Variants in OR8B2 observed in about 807,000 individuals in gnomAD.
The protein encoded by OR8B2 is olfactory receptor family 8 subfamily B member 2, also known as olfactory receptor 8B2.
For missense variants in OR8B2, 304 were observed against 379.6 expected (o/e 0.80, Z 1.65); for synonymous variants, 98 against 138.2 (o/e 0.71, Z 2.04).
rs1335060763 is a variant in OR8B2 at position 124,382,685 on chromosome 11, A to G, written c.659T>C (p.Phe220Ser). ...GATATGAAGAATGCTAGTGACAATG[A>G]AAACATAAGAAATGAGGATGGTACA... ...PSCTILISYVFIVTSILHIKS... is the reference protein window; with the variant it reads ...PSCTILISYVSIVTSILHIKS... Residue 220 changes from phenylalanine to serine, a missense_variant, in exon 2 of 2, where the codon TTC becomes TCC. Coordinates refer to ENST00000641451, the MANE Select transcript of OR8B2 (RefSeq NM_001005468.2). 1.2e-6 allele frequency: 2 copies of G among 1,613,834 alleles called. No individual in the cohort carries two copies.
upstream of OR8B2, among the ~76,000 whole-genome samples, chr11:124,386,990 G>A (rs1396983217): frequency 3.3e-5 from 5 of 152,238 alleles, no homozygotes; most frequent in African/African-American, 4.8e-5. Context: ...GTTTTGATTT[G>A]CATTTCTCTG....
the OR8B2 span, among the ~76,000 whole-genome samples, chr11:124,391,738 G>A: frequency 3.7e-4 from 56 of 152,098 alleles, no homozygotes; most frequent in Middle Eastern, 0.01. Flanking sequence ...TAGAAAAAGA[G>A]GGAATCCTCC....
At position 124,382,935 on chromosome 11, in the gene OR8B2, A is replaced by T; in HGVS notation, c.409T>A (p.Ser137Thr). The T allele has an allele frequency of 1.2e-6, 2 of 1,611,776 alleles. No homozygotes were observed. The highest frequency in any genetic ancestry group is 1.7e-6 in the Non-Finnish European group (2 of 1,178,754). The stretch of plus-strand genomic sequence containing the variant: ...GTGAGCATAGAACAGACCTGATGGG[A>T]CATGGTGACCTTATACAGCAATGGA... ...CNPLLYKVTM[S>T]HQVCSMLTFA... The change falls in exon 2 of 2, where the codon TCC becomes ACC. Residue 137 changes from serine to threonine, a missense_variant. Physicochemically the swap from Ser to Thr is moderately conservative, Grantham distance 58 (BLOSUM62 1). Coordinates refer to ENST00000641451, the MANE Select transcript of OR8B2 (RefSeq NM_001005468.2).
chr11:124,388,198 T>C (rs1860730746), upstream of OR8B2, among the ~76,000 whole-genome samples: 1 of 151,052 alleles, frequency 6.6e-6, no homozygotes. Context: ...AATCATGTCA[T>C]CTGCAAACAG....
In OR8B2 at chr11:124,382,896, T is replaced by C. The variant is rs759233390; in HGVS notation, c.448A>G (p.Ile150Val). The change falls in exon 2 of 2, where the codon ATA (isoleucine) becomes GTA (valine). Residue 150 changes from isoleucine to valine, a missense_variant. Transcript: ENST00000641451. ...VCSMLTFAAY[I>V]MGLAGATAHT... Reference sequence around the variant, plus strand: ...GCCGTGGCTCCAGCCAATCCCATTATGTAAGCAGCAAAAGTGAGCATAGAA... The same window carrying C: ...GCCGTGGCTCCAGCCAATCCCATTACGTAAGCAGCAAAAGTGAGCATAGAA... 6.2e-6 allele frequency: 10 copies of C among 1,606,074 alleles called. No individual in the cohort carries two copies. The highest frequency in any genetic ancestry group is 1.6e-4 in the Middle Eastern group (1 of 6,076).
At chr11:124,386,437 G>T (rs1269352829), upstream of OR8B2, among the ~76,000 whole-genome samples, 3 of 121,238 alleles carry the variant, frequency 2.5e-5, no homozygotes, top group Non-Finnish European at 4.8e-5. Context: ...TCCCCAGAGC[G>T]TGATGTTCCC....
the OR8B2 span, chr11:124,396,654 C>T: frequency 1.9e-6 from 3 of 1,611,770 alleles, no homozygotes; most frequent in Non-Finnish European, 2.5e-6. Context: ...TTTTGATCTT[C>T]CTTGAGTGGA....
At chr11:124,384,903 T>G (rs747499805), upstream of OR8B2, among the ~76,000 whole-genome samples, 14 of 152,356 alleles carry the variant, frequency 9.2e-5, no homozygotes, top group Non-Finnish European at 1.6e-4. Context: ...TTGCTAATTA[T>G]AATTATCGGC....
the OR8B2 span, among the ~76,000 whole-genome samples, chr11:124,389,884 T>C: frequency 2.6e-5 from 4 of 152,064 alleles, no homozygotes; most frequent in Non-Finnish European, 5.9e-5. Context: ...AACAGAGAAT[T>C]AGTTATACAG....
Position 124,382,732 on chromosome 11 carries a change from A to T in OR8B2, c.612T>A (p.Gly204=), listed in dbSNP as rs769900410. ...VNEVVVLIVV[G]TNITVPSCTI... ...TACAACTGGGTACCGTGATATTAGT[A>T]CCCACAACAATGAGAACAACCACCT... The change falls in exon 2 of 2, where the codon GGT becomes GGA. Residue 204 remains glycine (G), a synonymous_variant. Coordinates refer to ENST00000641451, the MANE Select transcript of OR8B2 (RefSeq NM_001005468.2). 6.2e-7 allele frequency: 1 copy of T among 1,613,768 alleles called. No individual in the cohort carries two copies. Among genetic ancestry groups the T allele is most frequent in the African/African-American group, 1.3e-5 (1 of 74,906 alleles).
the OR8B2 span, among the ~76,000 whole-genome samples, chr11:124,389,597 C>T: frequency 6.6e-6 from 1 of 152,056 alleles, no homozygotes; most frequent in Non-Finnish European, 1.5e-5. Context: ...AGGAGCCCCC[C>T]AGAACTCCTA....
chr11:124,386,883 AAGTGTTC>A (rs1349522052), upstream of OR8B2, among the ~76,000 whole-genome samples: 6,681 of 141,260 alleles, frequency 0.047, 480 homozygotes, highest in African/African-American at 0.17. Flanking sequence ...AACAGTGTGA[AAGTGTTC>A]CTATTTCTCC....
At chr11:124,386,950 T>C (rs1239271880), upstream of OR8B2, among the ~76,000 whole-genome samples, 3 of 152,238 alleles carry the variant, frequency 2.0e-5, no homozygotes, top group Non-Finnish European at 2.9e-5. Context: ...GATTGCCGTT[T>C]TAACTGGTGT....
upstream of OR8B2, among the ~76,000 whole-genome samples, chr11:124,388,486 G>C (rs1376920838): frequency 6.6e-6 from 1 of 152,092 alleles, no homozygotes; most frequent in Non-Finnish European, 1.5e-5. Context: ...TTTAACCAGA[G>C]TCCTCCAGTT....
chr11:124,393,130 C>T, the OR8B2 span, among the ~76,000 whole-genome samples: 1 of 147,060 alleles, frequency 6.8e-6, no homozygotes, highest in African/African-American at 2.7e-5. Context: ...GGATTAAAGA[C>T]TTAAACATTA....
At chr11:124,383,731 C>T in intron 1 of OR8B2, among the ~76,000 whole-genome samples, 1 of 152,134 alleles carries the variant, frequency 6.6e-6, no homozygotes. Flanking sequence ...CTTCAATTTC[C>T]CTGTGATGAC....
chr11:124,387,522 T>A (rs927947931), upstream of OR8B2, among the ~76,000 whole-genome samples: 3 of 151,530 alleles, frequency 2.0e-5, no homozygotes, highest in African/African-American at 4.8e-5. Flanking sequence ...GGGAATCCTT[T>A]CCCCATTGCT....
At chr11:124,391,135 A>G in the OR8B2 span, among the ~76,000 whole-genome samples, 4 of 152,170 alleles carry the variant, frequency 2.6e-5, no homozygotes, top group South Asian at 2.1e-4. Context: ...CTTGATTATC[A>G]CAGCCTTATG....
upstream of OR8B2, among the ~76,000 whole-genome samples, chr11:124,385,859 C>G (rs147326234): frequency 9.2e-5 from 14 of 152,116 alleles, no homozygotes; most frequent in African/African-American, 3.1e-4. Context: ...TCTTGAACTC[C>G]TGGTCTCAAG....
Sources: allele counts gnomAD v4.1 joint callset (sites outside exome capture counted in the v4.1 genomes callset), GRCh38; gene constraint gnomAD v4.1.1; transcripts MANE v1.5; gene names NCBI Gene and HGNC (gene_info 2026-07-23, HGNC 2026-07-21).